The following CSMD1 variants were observed in gnomAD, a reference collection of about 807,000 sequenced individuals.
CSMD1 encodes CUB and sushi domain-containing protein 1.
CSMD1 carries 213 observed loss-of-function variants against 417.5 expected under a neutral mutation model. That is an observed-to-expected ratio of 0.51 (90% confidence interval 0.46 to 0.57). The LOEUF is 0.57. CSMD1 is among the 20% of genes least tolerant of loss of function. The pLI, the probability that CSMD1 is intolerant of heterozygous loss-of-function variation, is 0.00. For synonymous variants in CSMD1, 2,862 were observed against 1,736.8 expected (o/e 1.65, Z -16.11); for missense variants, 6,923 against 4,529.7 (o/e 1.53, Z -15.17).
intron 5 of CSMD1, among the ~76,000 whole-genome samples, chr8:3,823,963 T>C (rs1801894472): frequency 6.6e-6 from 1 of 152,340 alleles, no homozygotes; most frequent in South Asian, 2.1e-4. Context: ...TCAAATAATT[T>C]AGTTTTCAAA....
intron 1 of CSMD1, among the ~76,000 whole-genome samples, chr8:4,946,831 C>T (rs1808402529): frequency 6.6e-6 from 1 of 152,050 alleles, no homozygotes; most frequent in Admixed American, 6.5e-5. Flanking sequence ...AACATGCCTC[C>T]AATTACACAT....
At chr8:3,360,537 A>G (rs983095141) in intron 20 of CSMD1, among the ~76,000 whole-genome samples, 1 of 152,326 alleles carries the variant, frequency 6.6e-6, no homozygotes, top group Non-Finnish European at 1.5e-5. Flanking sequence ...AGATAGTATC[A>G]AACAGTCAGC....
intron 2 of CSMD1, among the ~76,000 whole-genome samples, chr8:4,515,211 T>G: frequency 6.6e-6 from 1 of 152,198 alleles, no homozygotes; most frequent in East Asian, 1.9e-4. Flanking sequence ...AAAAAATATT[T>G]AATGAGTCTC....
chr8:4,895,171 A>G (rs1804394785), intron 1 of CSMD1, among the ~76,000 whole-genome samples: 1 of 152,216 alleles, frequency 6.6e-6, no homozygotes, highest in African/African-American at 2.4e-5. Context: ...AATAATAACT[A>G]TTTGTAGAAG....
intron 7 of CSMD1, among the ~76,000 whole-genome samples, chr8:3,686,709 A>C (rs1442836054): frequency 6.6e-6 from 1 of 152,196 alleles, no homozygotes; most frequent in African/African-American, 2.4e-5. Context: ...ACCCTCGCCC[A>C]AGTCCCTTGG....
chr8:3,194,667 G>A (rs557989846), intron 33 of CSMD1, among the ~76,000 whole-genome samples: 3 of 149,540 alleles, frequency 2.0e-5, no homozygotes, highest in African/African-American at 7.4e-5. Context: ...ATGGGATTTC[G>A]CCATGTTAGC....
chr8:4,351,521 T>C (rs182173568), intron 3 of CSMD1, among the ~76,000 whole-genome samples: 4 of 152,316 alleles, frequency 2.6e-5, no homozygotes, highest in African/African-American at 9.6e-5. Flanking sequence ...AGAACTTAAA[T>C]TGTGAGATTC....
chr8:4,336,206 G>A (rs555436996), intron 3 of CSMD1, among the ~76,000 whole-genome samples: 5 of 152,270 alleles, frequency 3.3e-5, no homozygotes, highest in East Asian at 1.9e-4. Flanking sequence ...AGGGAATGCA[G>A]GTAGTATGAA....
chr8:4,753,216 G>C (rs957477948), intron 1 of CSMD1, among the ~76,000 whole-genome samples: 1 of 151,992 alleles, frequency 6.6e-6, no homozygotes, highest in African/African-American at 2.4e-5. Context: ...CCCATGATGA[G>C]CTCATTTGCT....
chr8:3,477,968 T>G (rs1402891768), intron 11 of CSMD1, among the ~76,000 whole-genome samples: 3 of 152,234 alleles, frequency 2.0e-5, no homozygotes, highest in African/African-American at 2.4e-5. Flanking sequence ...AGTGCTTTCA[T>G]TGAATAAATA....
intron 1 of CSMD1, among the ~76,000 whole-genome samples, chr8:4,926,697 G>C (rs1039225295): frequency 3.3e-5 from 5 of 151,968 alleles, no homozygotes; most frequent in African/African-American, 1.2e-4. Flanking sequence ...TTTTCGGTCA[G>C]TTAATACAAA....
At chr8:3,546,881 G>A (rs187964145) in intron 10 of CSMD1, among the ~76,000 whole-genome samples, 91 of 152,310 alleles carry the variant, frequency 6.0e-4, no homozygotes, top group African/African-American at 2.2e-3. Context: ...GATGTTGCAA[G>A]GGAAACTGTG....
rs1460557649 is a variant in CSMD1 at position 2,962,519 on chromosome 8, C to T, written c.9575G>A (p.Arg3192Lys). The change falls in exon 61 of 70, where the codon AGA becomes AAA. Residue 3192 changes from arginine (R) to lysine (K), a missense_variant. By Grantham distance (26) the Arg-to-Lys change is conservative (BLOSUM62 2). Transcript: ENST00000635120. The part of the protein sequence containing the change: ...KSPFILVGSS[R>K]RVCQADGTWS... ...CGTGCCGTCAGCTTGGCAGACTCTT[C>T]TGGAGGATCCCACGAGTATAAATGG... The T allele has an allele frequency of 6.2e-7, 1 of 1,613,844 alleles. No individual in the cohort carries two copies. Among genetic ancestry groups the T allele is most frequent in the African/African-American group, 1.3e-5 (1 of 74,922 alleles).
At chr8:3,889,775 G>C (rs144702038) in intron 5 of CSMD1, among the ~76,000 whole-genome samples, 17 of 152,018 alleles carry the variant, frequency 1.1e-4, no homozygotes, top group Non-Finnish European at 1.9e-4. Flanking sequence ...GAAAGACATA[G>C]AGAATTATAT....
intron 7 of CSMD1, among the ~76,000 whole-genome samples, chr8:3,648,074 A>T (rs1285024849): frequency 6.6e-6 from 1 of 152,220 alleles, no homozygotes; most frequent in Non-Finnish European, 1.5e-5. Context: ...GGACAGATGG[A>T]TGGATGTGTT....
chr8:3,730,299 C>A (rs78057630), intron 6 of CSMD1, among the ~76,000 whole-genome samples: 1 of 151,828 alleles, frequency 6.6e-6, no homozygotes, highest in Non-Finnish European at 1.5e-5. Flanking sequence ...CCTGACTCAG[C>A]CATTCCTTCA....
At chr8:4,948,767 T>C (rs1161922305) in intron 1 of CSMD1, among the ~76,000 whole-genome samples, 24 of 152,146 alleles carry the variant, frequency 1.6e-4, no homozygotes, top group Non-Finnish European at 7.4e-5. Context: ...TCTTTCTTTA[T>C]AACCCTGAAA....
intron 5 of CSMD1, among the ~76,000 whole-genome samples, chr8:3,919,534 A>C (rs755976497): frequency 7.2e-5 from 11 of 152,080 alleles, no homozygotes; most frequent in Admixed American, 7.2e-4. Flanking sequence ...TTTATTACTG[A>C]AGATTGGTAA....
chr8:3,059,584 G>C (rs1585248945), intron 49 of CSMD1, among the ~76,000 whole-genome samples: 1 of 152,142 alleles, frequency 6.6e-6, no homozygotes, highest in African/African-American at 2.4e-5. Context: ...ACACCCTTCA[G>C]AGTTTGAAGA....
Sources: allele counts gnomAD v4.1 joint callset (sites outside exome capture counted in the v4.1 genomes callset), GRCh38; gene constraint gnomAD v4.1.1; transcripts MANE v1.5; gene names NCBI Gene and HGNC (gene_info 2026-07-23, HGNC 2026-07-21).